The following NRXN3 variants were observed in gnomAD, a reference collection of about 807,000 sequenced individuals.
NRXN3 encodes the protein neurexin III.
A neutral mutation model predicts 137.6 loss-of-function variants in NRXN3; 32 were observed. The ratio of observed to expected loss-of-function variants is 0.23; its 90% CI spans 0.18 to 0.31. The LOEUF (loss-of-function observed/expected upper bound fraction) is 0.31. Ranked by LOEUF, NRXN3 falls within the 10% of genes least tolerant of loss-of-function variation. The pLI, the probability that NRXN3 is intolerant of heterozygous loss-of-function variation, is 1.00. For missense variants in NRXN3, 1,574 were observed against 2,062.5 expected, an observed-to-expected ratio of 0.76 and a Z score of 4.59; for synonymous variants, 798 against 784.5, an observed-to-expected ratio of 1.02 and a Z score of -0.29.
At chr14:78,416,607 T>C (rs1186680172) in intron 4 of NRXN3, among the ~76,000 whole-genome samples, 2 of 152,218 alleles carry the variant, frequency 1.3e-5, no homozygotes, top group Non-Finnish European at 2.9e-5. Context: ...TTTTAGTACA[T>C]ATTGAAAGTG....
At chr14:79,451,921 A>C (rs2096179217) in intron 15 of NRXN3, among the ~76,000 whole-genome samples, 1 of 152,200 alleles carries the variant, frequency 6.6e-6, no homozygotes, top group South Asian at 2.1e-4. Flanking sequence ...CTCGGGAAGC[A>C]GACCCAGCGT....
chr14:79,774,071 T>C (rs1344333352), intron 19 of NRXN3, among the ~76,000 whole-genome samples: 1 of 152,172 alleles, frequency 6.6e-6, no homozygotes, highest in Non-Finnish European at 1.5e-5. Context: ...GAATGTGTTC[T>C]AGAGGATTGG....
chr14:78,379,737 C>G (rs1405288981), intron 4 of NRXN3, among the ~76,000 whole-genome samples: 2 of 152,086 alleles, frequency 1.3e-5, no homozygotes, highest in African/African-American at 4.8e-5. Flanking sequence ...TCAAATAGTG[C>G]TAGAAGTTCT....
chr14:78,406,473 A>G (rs1044437091), intron 4 of NRXN3, among the ~76,000 whole-genome samples: 1 of 152,194 alleles, frequency 6.6e-6, no homozygotes, highest in African/African-American at 2.4e-5. Flanking sequence ...TGTACCCTCT[A>G]CTAAACAGCA....
chr14:79,654,497 G>A (rs540903469), intron 16 of NRXN3, among the ~76,000 whole-genome samples: 1 of 152,190 alleles, frequency 6.6e-6, no homozygotes, highest in South Asian at 2.1e-4. Flanking sequence ...AGCAGCCAAA[G>A]ATAATAATAC....
At chr14:78,521,485 A>G (rs2096283190) in intron 4 of NRXN3, among the ~76,000 whole-genome samples, 1 of 152,208 alleles carries the variant, frequency 6.6e-6, no homozygotes, top group South Asian at 2.1e-4. Flanking sequence ...GACCCATGCT[A>G]TGCAGAAGTG....
chr14:78,234,994 T>TATATATATATATATATATATATATATGTG (rs2065986959), intron 1 of NRXN3, among the ~76,000 whole-genome samples: 1 of 108,784 alleles, frequency 9.2e-6, no homozygotes, highest in Non-Finnish European at 1.9e-5. Context: ...ACAAATGCTT[T>TATATATATATATATATATATATATATGTG]TATATATATA....
At chr14:78,893,428 G>A (rs141415568) in intron 10 of NRXN3, among the ~76,000 whole-genome samples, 64 of 152,000 alleles carry the variant, frequency 4.2e-4, no homozygotes, top group African/African-American at 1.4e-3. Flanking sequence ...AGTCCATGCC[G>A]AATCTCCTGT....
chr14:78,371,376 C>T (rs1005240847), intron 4 of NRXN3, among the ~76,000 whole-genome samples: 101 of 152,298 alleles, frequency 6.6e-4, no homozygotes, highest in Admixed American at 3.1e-3. Context: ...CCTGCTCCAT[C>T]CCCCTTCCAC....
At chr14:78,464,093 C>A (rs2095022316) in intron 4 of NRXN3, among the ~76,000 whole-genome samples, 1 of 150,466 alleles carries the variant, frequency 6.6e-6, no homozygotes, top group African/African-American at 2.5e-5. Context: ...GGCTCTGTTC[C>A]CCAGGCTGGA....
chr14:78,946,684 G>A (rs552788643), intron 10 of NRXN3, among the ~76,000 whole-genome samples: 28 of 152,280 alleles, frequency 1.8e-4, no homozygotes, highest in Non-Finnish European at 3.5e-4. Flanking sequence ...GGAGGAGGCA[G>A]TCAGCAGTTT....
chr14:79,614,705 G>C (rs1461153071), intron 16 of NRXN3, among the ~76,000 whole-genome samples: 1 of 147,794 alleles, frequency 6.8e-6, no homozygotes, highest in Non-Finnish European at 1.5e-5. Context: ...CCAGCAAAAT[G>C]TTACGTTAAA....
intron 19 of NRXN3, among the ~76,000 whole-genome samples, chr14:79,706,685 C>T (rs1282993205): frequency 6.6e-6 from 1 of 152,068 alleles, no homozygotes; most frequent in Non-Finnish European, 1.5e-5. Context: ...GGCCCACTCC[C>T]CCCAGCTGCT....
intron 10 of NRXN3, among the ~76,000 whole-genome samples, chr14:78,923,844 A>G (rs953124038): frequency 6.6e-6 from 1 of 152,230 alleles, no homozygotes; most frequent in African/African-American, 2.4e-5. Context: ...CTGGGTTGAC[A>G]TTAATTCCTT....
chr14:79,142,585 G>A (rs376890473), intron 15 of NRXN3, among the ~76,000 whole-genome samples: 2 of 152,202 alleles, frequency 1.3e-5, no homozygotes, highest in African/African-American at 4.8e-5. Flanking sequence ...CCTGTGAAGT[G>A]GCATGCATGC....
intron 15 of NRXN3, among the ~76,000 whole-genome samples, chr14:79,097,134 G>A (rs1238480155): frequency 2.0e-5 from 3 of 151,600 alleles, no homozygotes; most frequent in Middle Eastern, 3.4e-3. Flanking sequence ...AAATCCTGTT[G>A]GTCATCACCC....
chr14:78,366,906 G>A (rs1469183704), intron 4 of NRXN3, among the ~76,000 whole-genome samples: 1 of 152,128 alleles, frequency 6.6e-6, no homozygotes. Context: ...AATCTGCATA[G>A]GCTCAAGAGT....
chr14:79,496,861 G>A (rs1253205427), intron 16 of NRXN3, among the ~76,000 whole-genome samples: 1 of 152,212 alleles, frequency 6.6e-6, no homozygotes, highest in Non-Finnish European at 1.5e-5. Flanking sequence ...TTACAGCCCA[G>A]CATGGGAGAG....
intron 8 of NRXN3, among the ~76,000 whole-genome samples, chr14:78,800,369 C>A (rs1403546859): frequency 1.3e-5 from 2 of 152,106 alleles, no homozygotes; most frequent in South Asian, 2.1e-4. Context: ...AAGCACCAGG[C>A]GAATAGTAAA....
Sources: gnomAD v4.1 joint callset for allele counts (sites outside exome capture counted in the v4.1 genomes callset) on GRCh38, gnomAD v4.1.1 for gene constraint, MANE v1.5 for transcripts, NCBI Gene and HGNC (gene_info 2026-07-23, HGNC 2026-07-21) for gene names.